The following LRP8 variants were observed in gnomAD, a reference collection of about 807,000 sequenced individuals.
LRP8 encodes LDL receptor related protein 8, also known as low-density lipoprotein receptor-related protein 8.
Under a neutral mutation model 111.6 loss-of-function variants are expected in LRP8, and 46 were observed. The observed-to-expected ratio is 0.41, with a 90% CI of 0.33 to 0.53. The LOEUF (loss-of-function observed/expected upper bound fraction) is 0.53, where lower values mean the gene tolerates loss of function less well. Ranked by LOEUF, LRP8 falls within the 20% of genes least tolerant of loss-of-function variation. The pLI is 0.20. For synonymous variants in LRP8, 464 were observed against 511.2 expected (o/e 0.91, Z 1.24); for missense variants, 959 against 1,297.4 (o/e 0.74, Z 4.01).
At chr1:53,264,095 A>G in intron 10 of LRP8, 74 bp downstream of exon 10, 1 of 1,422,772 alleles carries the variant, frequency 7.0e-7, no homozygotes, top group East Asian at 2.4e-5. Context: ...AACCCTCAAG[A>G]TAGCCCTTGT....
Position 53,275,125 on chromosome 1 carries a change from G to T in LRP8, c.1006+506C>A, listed in dbSNP as rs6696068. Among the ~76,000 whole-genome samples the T allele has an allele frequency of 0.34, 52,211 of 152,124 alleles. 9,698 individuals carry two copies. Among genetic ancestry groups the T allele is most frequent in the East Asian group, 0.63 (3,245 of 5,168 alleles). On this transcript the variant is annotated intron_variant, in intron 6 of 18. Transcript: ENST00000306052. The surrounding 1 kb of genome is among the most constrained non-coding windows in gnomAD (Gnocchi z 4.4). ...AGCTCTAGAGAGACCTTAGAGGCTG[G>T]ACTGATCATCTCCTGGGGGGACTTT...
At chr1:53,288,960 C>T (rs1416624165) in intron 3 of LRP8, among the ~76,000 whole-genome samples, 1 of 152,148 alleles carries the variant, frequency 6.6e-6, no homozygotes, top group African/African-American at 2.4e-5. Context: ...CCTCTACCTC[C>T]CCCTGCCTGC....
Position 53,276,708 on chromosome 1 carries a change from C to T in LRP8, c.867G>A (p.Ser289=), listed in dbSNP as rs75700300. The part of the protein sequence containing the change: ...CDGDRDCKDK[S]DEADCPLGTC... ...GGGGCTTACGGCAGTCGGCCTCGTC[C>T]GATTTGTCTTTGCAGTCGCGGTCGC... Residue 289 remains serine (S), a synonymous_variant, in exon 5 of 19, where the codon TCG becomes TCA. Transcript: ENST00000306052. 794 of 1,538,470 alleles carry T rather than the reference C, an allele frequency of 5.2e-4. 5 individuals are homozygous for T. In the African/African-American group the frequency reaches 9.0e-3, roughly 17 times the overall value.
intron 2 of LRP8, among the ~76,000 whole-genome samples, chr1:53,321,383 A>C (rs1395093743): frequency 1.3e-5 from 2 of 152,058 alleles, no homozygotes; most frequent in African/African-American, 4.8e-5. Flanking sequence ...CTGGCTCCAC[A>C]ACCCTAAGGA....
At position 53,257,277 on chromosome 1, in the gene LRP8, A is replaced by T. The variant is rs745944766; in HGVS notation, c.2397T>A (p.Ser799=). ...SVPRAPSISP[S]TLSPATSNHS... The stretch of plus-strand genomic sequence containing the variant: ...GGTTGCTGGTTGCAGGGCTTAGGGT[A>T]GACGGGCTGATGCTGGGAGCCCTGG... Residue 799 remains serine, a synonymous_variant, in exon 15 of 19, where the codon TCT becomes TCA. Coordinates refer to ENST00000306052, the MANE Select transcript of LRP8 (RefSeq NM_004631.5). The T allele has an allele frequency of 4.3e-6, 7 of 1,614,050 alleles. No homozygotes were observed. In the Admixed American group the frequency reaches 6.7e-5, roughly 15 times the overall value.
chr1:53,315,523 T>G (rs1040450111), intron 2 of LRP8, among the ~76,000 whole-genome samples: 1 of 152,212 alleles, frequency 6.6e-6, no homozygotes, highest in Non-Finnish European at 1.5e-5. Context: ...AGTCATTTGC[T>G]TAGGGCCCCA....
At chr1:53,305,099 C>G (rs1651690617) in intron 2 of LRP8, 1 of 152,274 alleles carries the variant, frequency 6.6e-6, no homozygotes, top group African/African-American at 2.4e-5. Flanking sequence ...GAACCTTCCT[C>G]CCAGAACTAA....
chr1:53,280,656 G>T lies in LRP8; in HGVS notation c.427C>A (p.Pro143Thr). Residue 143 changes from proline (P) to threonine (T), a missense_variant, in exon 4 of 19, where the codon CCT becomes ACT. Coordinates refer to ENST00000306052, the MANE Select transcript of LRP8 (RefSeq NM_004631.5). ...SCGPTSHKCVPASWRCDGEKD... is the reference protein window; with the variant it reads ...SCGPTSHKCVTASWRCDGEKD... ...TCCCCGTCGCAGCGCCACGAGGCAG[G>T]TACACACTTGTGGCTGGTGGGTCCA... 1 of 1,613,510 alleles carries T rather than the reference G, an allele frequency of 6.2e-7. No individual in the cohort carries two copies. Among genetic ancestry groups the T allele is most frequent in the Non-Finnish European group, 8.5e-7 (1 of 1,180,036 alleles).
chr1:53,323,814 A>G (rs2100553065), intron 2 of LRP8, among the ~76,000 whole-genome samples: 1 of 152,354 alleles, frequency 6.6e-6, no homozygotes, highest in Non-Finnish European at 1.5e-5. Context: ...TATGTCCTCT[A>G]TAATATAGGA....
chr1:53,280,737 C>T, intron 3 of LRP8, 22 bp from the exon 4 acceptor site: 1 of 1,608,550 alleles, frequency 6.2e-7, no homozygotes, highest in Non-Finnish European at 8.5e-7. Context: ...GACGTCCATG[C>T]ATAGCTTAGC....
intron 18 of LRP8, among the ~76,000 whole-genome samples, chr1:53,248,252 T>C (rs1645788062): frequency 6.6e-6 from 1 of 152,220 alleles, no homozygotes; most frequent in African/African-American, 2.4e-5. Context: ...TTGGGTTATC[T>C]GTAGTTTTTT....
chr1:53,326,939 T>A lies in LRP8; in HGVS notation c.178A>T (p.Ile60Phe). Residue 60 changes from isoleucine (I) to phenylalanine (F), a missense_variant, in exon 2 of 19, where the codon ATC (isoleucine) becomes TTC (phenylalanine). Transcript: ENST00000306052. ...DQFQCRNERC[I>F]PSVWRCDEDD... is the part of the protein sequence containing the mutation. ...TCGTCGCATCTCCACACAGAGGGGA[T>A]GCAGCGCTCGTTCCGGCACTGGAAT... is the stretch of plus-strand genomic sequence containing the variant. 1 of 1,613,920 alleles carries A rather than the reference T, an allele frequency of 6.2e-7. No homozygotes were observed. The highest frequency in any genetic ancestry group is 8.5e-7 in the Non-Finnish European group (1 of 1,179,998).
At chr1:53,286,092 T>C (rs1172331567) in intron 3 of LRP8, among the ~76,000 whole-genome samples, 1 of 152,222 alleles carries the variant, frequency 6.6e-6, no homozygotes, top group East Asian at 1.9e-4. Context: ...AGGGAACGCA[T>C]CTACAGTGTC....
intron 2 of LRP8, among the ~76,000 whole-genome samples, chr1:53,310,526 C>T (rs1472920978): frequency 6.6e-6 from 1 of 152,112 alleles, no homozygotes; most frequent in African/African-American, 2.4e-5. Flanking sequence ...CCTATGATTA[C>T]TGACAACCCA....
At chr1:53,289,293 G>A (rs1033001907) in intron 3 of LRP8, 3 of 309,384 alleles carry the variant, frequency 9.7e-6, no homozygotes, top group South Asian at 5.2e-5. Context: ...TGGAGGACAC[G>A]CTAGGGCTCC....
In LRP8 at chr1:53,266,582, G is replaced by A. The variant is rs543613083; in HGVS notation, c.1318C>T (p.Arg440Trp). 2.1e-5 allele frequency: 34 copies of A among 1,614,160 alleles called. No individual in the cohort carries two copies. Among genetic ancestry groups the A allele is most frequent in the Admixed American group, 8.3e-5 (5 of 60,024 alleles). The part of the protein sequence containing the change: ...HEVRRIDLVK[R>W]NYSRLIPMLK... ...ATGGGGATGAGGCGTGAATAGTTCC[G>A]CTTCACCAGGTCGATCCTCCGCACC... is the stretch of plus-strand genomic sequence containing the variant. The change falls in exon 9 of 19, where the codon CGG becomes TGG. Residue 440 changes from arginine (R) to tryptophan (W), a missense_variant. Transcript: ENST00000306052. The surrounding 1 kb of genome is among the most constrained non-coding windows in gnomAD (Gnocchi z 5.0).
At chr1:53,251,782 G>T (rs1572421292) in intron 16 of LRP8, among the ~76,000 whole-genome samples, 1 of 151,862 alleles carries the variant, frequency 6.6e-6, no homozygotes, top group East Asian at 1.9e-4. Flanking sequence ...GGTGGCTCAC[G>T]CCTGTAATCC....
intron 4 of LRP8, among the ~76,000 whole-genome samples, chr1:53,277,712 C>A (rs893782535): frequency 3.3e-5 from 5 of 152,248 alleles, no homozygotes; most frequent in African/African-American, 1.2e-4. Flanking sequence ...CTCTCATCTT[C>A]CAAGGGCCCA....
Position 53,262,060 on chromosome 1 carries a change from G to C in LRP8, c.1914+8C>G. The C allele has an allele frequency of 6.2e-7, 1 of 1,614,090 alleles. No homozygotes were observed. The highest frequency in any genetic ancestry group is 8.5e-7 in the Non-Finnish European group (1 of 1,179,978). ...TAGTGGGCCCTTGCCTCTCCTTACA[G>C]GACTCACCTCAAACACAGCTATCCC... On this transcript the variant is annotated splice_region_variant and intron_variant, in intron 12 of 18. Coordinates refer to ENST00000306052, the MANE Select transcript of LRP8 (RefSeq NM_004631.5). This position sits in a 1 kb window ranked among gnomAD's most constrained non-coding sequence, Gnocchi z 4.8.
Sources: allele counts gnomAD v4.1 joint callset (sites outside exome capture counted in the v4.1 genomes callset), GRCh38; gene constraint gnomAD v4.1.1; non-coding constraint Gnocchi (gnomAD v3.1); transcripts MANE v1.5; gene names NCBI Gene and HGNC (gene_info 2026-07-23, HGNC 2026-07-21).